The following UPK1B variants were observed in gnomAD, a reference collection of about 807,000 sequenced individuals.
UPK1B encodes uroplakin 1B.
UPK1B carries 28 observed loss-of-function variants against 34.2 expected under a neutral mutation model. The observed-to-expected ratio is 0.82, with a 90% CI of 0.61 to 1.12. UPK1B has a LOEUF of 1.12. Among genes scored for constraint, UPK1B ranks in the 50% most tolerant of loss-of-function variants. The probability of loss-of-function intolerance (pLI) is 0.00; values close to 1 mark genes in which losing one functional copy is unlikely to be tolerated. For missense variants in UPK1B, 325 were observed against 320.9 expected, an observed-to-expected ratio of 1.01 and a Z score of -0.10; for synonymous variants, 81 against 110.4, an observed-to-expected ratio of 0.73 and a Z score of 1.67.
At position 119,187,908 on chromosome 3, in the gene UPK1B, G is replaced by T; in HGVS notation, c.203G>T (p.Cys68Phe). ...AAWIGIFVGI[C>F]LFCLSVLGIV... is the part of the protein sequence containing the mutation. Reference sequence around the variant, plus strand: ...TGGATCGGCATATTTGTGGGCATCTGCCTCTTCTGCCTGTCTGTTCTAGGC... The same window carrying T: ...TGGATCGGCATATTTGTGGGCATCTTCCTCTTCTGCCTGTCTGTTCTAGGC... Residue 68 changes from cysteine (C) to phenylalanine (F), a missense_variant, in exon 3 of 8, where the codon TGC becomes TTC. Physicochemically the swap from Cys to Phe is radical, Grantham distance 205. Transcript: ENST00000264234. 6.2e-7 allele frequency: 1 copy of T among 1,614,088 alleles called. No individual in the cohort carries two copies. The highest frequency in any genetic ancestry group is 8.5e-7 in the Non-Finnish European group (1 of 1,180,006).
chr3:119,188,291 A>G (rs1401737121), intron 3 of UPK1B, among the ~76,000 whole-genome samples: 1 of 152,224 alleles, frequency 6.6e-6, no homozygotes. Context: ...GGAGCTATAT[A>G]GGCCAAAGGA....
At chr3:119,199,021 C>A in intron 6 of UPK1B, 36 bp from the exon 7 acceptor site, 1 of 1,610,322 alleles carries the variant, frequency 6.2e-7, no homozygotes, top group Non-Finnish European at 8.5e-7. Context: ...CTTTCTGGTT[C>A]TTCTCACACT....
chr3:119,184,563 C>CAAAAAAAA (rs11369996), intron 1 of UPK1B, among the ~76,000 whole-genome samples: 2 of 117,242 alleles, frequency 1.7e-5, no homozygotes. Context: ...ACTAAAAATA[C>CAAAAAAAA]AAAAAAAAAA....
intron 1 of UPK1B, among the ~76,000 whole-genome samples, chr3:119,180,450 T>C (rs1370607190): frequency 2.6e-5 from 4 of 152,296 alleles, no homozygotes; most frequent in South Asian, 4.1e-4. Context: ...CCCAGCCAAG[T>C]TGACATACAA....
At chr3:119,190,856 C>G in intron 4 of UPK1B, 126 bp from the exon 5 acceptor site, 1 of 1,366,996 alleles carries the variant, frequency 7.3e-7, no homozygotes, top group Non-Finnish European at 1.0e-6. Flanking sequence ...CTTGGTGCCT[C>G]TGAGTACAGT....
intron 1 of UPK1B, among the ~76,000 whole-genome samples, chr3:119,178,174 G>T (rs2077966559): frequency 6.6e-6 from 1 of 152,190 alleles, no homozygotes; most frequent in South Asian, 2.1e-4. Context: ...TGAGGAGTTT[G>T]TACTTTATCT....
chr3:119,192,330 G>T (rs1417082584), intron 5 of UPK1B, among the ~76,000 whole-genome samples: 1 of 151,742 alleles, frequency 6.6e-6, no homozygotes, highest in Non-Finnish European at 1.5e-5. Context: ...CCTTCTCTGT[G>T]GGTCACTCTT....
chr3:119,188,440 CT>C (rs2078029513), intron 3 of UPK1B, among the ~76,000 whole-genome samples: 1 of 152,132 alleles, frequency 6.6e-6, no homozygotes, highest in South Asian at 2.1e-4. Flanking sequence ...AAAGTATAAG[CT>C]TTCAAAGATT....
At chr3:119,182,903 A>C (rs2077995620) in intron 1 of UPK1B, among the ~76,000 whole-genome samples, 1 of 152,202 alleles carries the variant, frequency 6.6e-6, no homozygotes, top group Non-Finnish European at 1.5e-5. Context: ...TAGATTTTTG[A>C]TACATCCAGA....
intron 1 of UPK1B, among the ~76,000 whole-genome samples, chr3:119,179,507 C>CTTCTGTTTTTTTTTTTTT (rs2077978187): frequency 1.9e-5 from 1 of 52,256 alleles, no homozygotes; most frequent in Non-Finnish European, 3.7e-5. Flanking sequence ...ATGTTGCAGT[C>CTTCTGTTTTTTTTTTTTT]TTTTTTTTTT....
chr3:119,182,451 T>A (rs1016112307), intron 1 of UPK1B, among the ~76,000 whole-genome samples: 6 of 152,248 alleles, frequency 3.9e-5, no homozygotes, highest in Admixed American at 2.0e-4. Flanking sequence ...GTGTAAACAA[T>A]CTTAGTGCTT....
intron 6 of UPK1B, among the ~76,000 whole-genome samples, chr3:119,194,710 T>C (rs960318130): frequency 1.3e-5 from 2 of 152,164 alleles, no homozygotes; most frequent in African/African-American, 4.8e-5. Context: ...TTAAACAAAG[T>C]TTTGCTCTAG....
chr3:119,196,535 C>CTTTTTTTTTTTTTTTTTTTTT, intron 6 of UPK1B, among the ~76,000 whole-genome samples: 1 of 107,178 alleles, frequency 9.3e-6, no homozygotes, highest in Non-Finnish European at 1.9e-5. Context: ...TTTTCTTTTT[C>CTTTTTTTTTTTTTTTTTTTTT]TTTTTTTTTT....
In UPK1B at chr3:119,198,716, T is replaced by C. The variant is rs1553743054; in HGVS notation, c.649-341T>C. ...CCAAATAAATCACCAACGAAGCCTTTGGGGAGGGAAAAATTCTAATTGAAT... is the reference window on the plus strand; with the variant it reads ...CCAAATAAATCACCAACGAAGCCTTCGGGGAGGGAAAAATTCTAATTGAAT... On this transcript the variant is annotated intron_variant, in intron 6 of 7. Coordinates refer to ENST00000264234, the MANE Select transcript of UPK1B (RefSeq NM_006952.4). Among the ~76,000 whole-genome samples, 5 of 152,184 alleles carry C rather than the reference T, an allele frequency of 3.3e-5. No individual in the cohort carries two copies. In the South Asian group the frequency reaches 6.2e-4, roughly 19 times the overall value.
At chr3:119,186,398 C>G (rs1324365007) in intron 1 of UPK1B, among the ~76,000 whole-genome samples, 1 of 152,204 alleles carries the variant, frequency 6.6e-6, no homozygotes, top group East Asian at 1.9e-4. Context: ...TTTGGCCCTA[C>G]CCAATCACCA....
intron 1 of UPK1B, among the ~76,000 whole-genome samples, chr3:119,174,558 C>A (rs1312100397): frequency 6.6e-6 from 1 of 152,046 alleles, no homozygotes; most frequent in African/African-American, 2.4e-5. Flanking sequence ...CCAGGCTGGG[C>A]AACATAGTGA....
chr3:119,202,106 G>T (rs534075529), intron 7 of UPK1B, among the ~76,000 whole-genome samples: 1 of 152,246 alleles, frequency 6.6e-6, no homozygotes, highest in South Asian at 2.1e-4. Context: ...TGTATTGAGG[G>T]CCTGCTATAA....
At chr3:119,175,007 A>ATTTTTTTTTTTTTT (rs2077948006) in intron 1 of UPK1B, among the ~76,000 whole-genome samples, 1 of 39,702 alleles carries the variant, frequency 2.5e-5, no homozygotes, top group African/African-American at 7.9e-5. Flanking sequence ...TTTTTCTTTT[A>ATTTTTTTTTTTTTT]TTTTCTTTTT....
Position 119,194,346 on chromosome 3 carries a change from C to T in UPK1B, c.596C>T (p.Pro199Leu). 6.2e-7 allele frequency: 1 copy of T among 1,613,816 alleles called. No individual in the cohort carries two copies. The highest frequency in any genetic ancestry group is 8.5e-7 in the Non-Finnish European group (1 of 1,179,888). The change falls in exon 6 of 8, where the codon CCT (proline) becomes CTT (leucine). Residue 199 changes from proline (P) to leucine (L), a missense_variant. Transcript: ENST00000264234. ...QCCVMNNLKE[P>L]LNLEACKLGV... ...TGTGTTATGAACAATCTTAAAGAAC[C>T]TCTCAACCTGGAGGCTTGTAAACTA...
Sources: gnomAD v4.1 joint callset for allele counts (sites outside exome capture counted in the v4.1 genomes callset) on GRCh38, gnomAD v4.1.1 for gene constraint, MANE v1.5 for transcripts, NCBI Gene and HGNC (gene_info 2026-07-23, HGNC 2026-07-21) for gene names.